The following CCDC40 variants were observed in gnomAD, a reference collection of about 807,000 sequenced individuals.
CCDC40 encodes the protein coiled-coil domain 40 molecular ruler complex subunit.
Under a neutral mutation model 124.5 loss-of-function variants are expected in CCDC40, and 104 were observed. The observed-to-expected ratio is 0.84, with a 90% CI of 0.71 to 0.98. The LOEUF is 0.98. Ranked by LOEUF, CCDC40 falls within the 50% of genes least tolerant of loss-of-function variation. The probability of loss-of-function intolerance (pLI) is 0.00; values close to 1 mark genes in which losing one functional copy is unlikely to be tolerated. For synonymous variants in CCDC40, 580 were observed against 602.9 expected (o/e 0.96, Z 0.56); for missense variants, 1,463 against 1,503.9 (o/e 0.97, Z 0.45).
chr17:80,099,449 ATC>A (rs552723570), intron 19 of CCDC40, 76 bp from the exon 20 acceptor site: 137 of 1,536,004 alleles, frequency 8.9e-5, no homozygotes, highest in Admixed American at 2.2e-4. Context: ...ATTTCCTGGA[ATC>A]TGAGTTTGTG....
intron 10 of CCDC40, among the ~76,000 whole-genome samples, chr17:80,071,497 C>A (rs990191639): frequency 6.6e-6 from 1 of 152,212 alleles, no homozygotes; most frequent in African/African-American, 2.4e-5. Context: ...GCACGGTGCC[C>A]AATGCCTGGG....
intron 1 of CCDC40, among the ~76,000 whole-genome samples, chr17:80,037,001 G>A (rs999425121): frequency 6.6e-6 from 1 of 152,180 alleles, no homozygotes; most frequent in Non-Finnish European, 1.5e-5. Context: ...CAGTCACCAT[G>A]GCAACCACTC....
intron 17 of CCDC40, chr17:80,090,277 G>T: frequency 4.6e-6 from 6 of 1,302,568 alleles, no homozygotes; most frequent in African/African-American, 1.6e-5. Context: ...GCACGTGCAC[G>T]AACAACACGG....
At chr17:80,037,978 C>T in intron 1 of CCDC40, 145 bp from the exon 2 acceptor site, 7 of 658,404 alleles carry the variant, frequency 1.1e-5, no homozygotes, top group South Asian at 9.1e-5. Flanking sequence ...TGGTTCCTGA[C>T]AAACAGGACA....
chr17:80,039,529 A>G (rs1483050843), intron 2 of CCDC40, among the ~76,000 whole-genome samples: 1 of 150,768 alleles, frequency 6.6e-6, no homozygotes, highest in Non-Finnish European at 1.5e-5. Context: ...CTCCTGCCCC[A>G]GCCTTCTAAG....
Position 80,044,728 on chromosome 17 carries a change from T to TTTGAG in CCDC40, c.553-2551_553-2550insTTGAG, listed in dbSNP as rs1469031250. On this transcript the variant is annotated intron_variant, in intron 3 of 19. Transcript: ENST00000397545. ...AAACAAAAAAAAAAATATATATATATATATATATATCTCAACAACAGCAAA... is the reference window on the plus strand; with the variant it reads ...AAACAAAAAAAAAAATATATATATATTTGAGATATATATATCTCAACAACAGCAAA... Among the ~76,000 whole-genome samples the TTTGAG allele has an allele frequency of 1.7e-4, 24 of 142,896 alleles. 1 individual carries two copies. Among genetic ancestry groups the TTTGAG allele is most frequent in the African/African-American group, 7.0e-4 (24 of 34,354 alleles). 93.7% of individuals were successfully genotyped at this position (142,896 alleles called of 152,430 possible).
chr17:80,078,528 G>GA (rs1223492901), intron 10 of CCDC40, among the ~76,000 whole-genome samples: 1 of 152,122 alleles, frequency 6.6e-6, no homozygotes, highest in Non-Finnish European at 1.5e-5. Flanking sequence ...ACCACTTGTT[G>GA]AAAAGACTGT....
At chr17:80,079,669 C>G (rs549518630) in intron 10 of CCDC40, among the ~76,000 whole-genome samples, 1 of 152,016 alleles carries the variant, frequency 6.6e-6, no homozygotes, top group African/African-American at 2.4e-5. Flanking sequence ...TGCCTGTAAT[C>G]CCATCACTTT....
At chr17:80,077,549 C>T (rs189180988) in intron 10 of CCDC40, among the ~76,000 whole-genome samples, 570 of 152,272 alleles carry the variant, frequency 3.7e-3, no homozygotes, top group Non-Finnish European at 6.3e-3. Flanking sequence ...ACAGCTGCTG[C>T]GGTGTTTTCC....
intron 7 of CCDC40, among the ~76,000 whole-genome samples, chr17:80,053,680 C>T (rs1190950706): frequency 1.3e-5 from 2 of 152,154 alleles, no homozygotes; most frequent in East Asian, 3.8e-4. Context: ...GCAACCTCCA[C>T]CTCCCGGGTT....
rs375603538 is a variant in CCDC40, at chr17:80,084,766, C to T, written c.2013C>T (p.Asn671=). The T allele has an allele frequency of 1.3e-5, 21 of 1,613,964 alleles. No individual in the cohort carries two copies. Among genetic ancestry groups the T allele is most frequent in the African/African-American group, 5.3e-5 (4 of 74,910 alleles). The stretch of plus-strand genomic sequence containing the variant: ...AGATGACACATCTTTCCAAAATCAA[C>T]GGTGACATTGCCCAGACCACCCTGG... The part of the protein sequence containing the change: ...TNMMTHLSKI[N]GDIAQTTLDI... The change falls in exon 13 of 20, where the codon AAC becomes AAT. Residue 671 remains asparagine, a synonymous_variant. Transcript: ENST00000397545.
Position 80,040,060 on chromosome 17 carries a change from C to G in CCDC40, c.342C>G (p.Tyr114Ter). The part of the protein sequence containing the change: ...EGQISAADTT[Y>*]PYFSPPQELP... ...AAATCAGTGCTGCAGATACGACTTA[C>G]CCGTATTTCAGTCCTCCTCAGGAAC... The change falls in exon 3 of 20, where the codon TAC (tyrosine) becomes TAG (stop). Residue 114 changes from tyrosine to a stop codon, truncating the protein, a stop_gained. Transcript: ENST00000397545. LOFTEE classifies it high-confidence loss of function. 6.2e-7 allele frequency: 1 copy of G among 1,613,892 alleles called. No individual in the cohort carries two copies. Among genetic ancestry groups the G allele is most frequent in the Non-Finnish European group, 8.5e-7 (1 of 1,179,728 alleles).
intron 9 of CCDC40, 52 bp downstream of exon 9, chr17:80,059,032 C>A (rs781030535): frequency 3.7e-6 from 6 of 1,609,990 alleles, no homozygotes; most frequent in Non-Finnish European, 8.5e-7. Context: ...TGAGTGTCCA[C>A]GCACAGGGTG....
chr17:80,040,011 C>G lies in CCDC40; in HGVS notation c.293C>G (p.Thr98Arg). 1 of 1,614,126 alleles carries G rather than the reference C, an allele frequency of 6.2e-7. No homozygotes were observed. Among genetic ancestry groups the G allele is most frequent in the Non-Finnish European group, 8.5e-7 (1 of 1,179,990 alleles). ...GAAAGCGAAGAGGAATATTACTATA[C>G]AGAAACTTCATCCCCGGAAGGGCAA... ...DAESEEEYYYTETSSPEGQIS... is the reference protein window; with the variant it reads ...DAESEEEYYYRETSSPEGQIS... Residue 98 changes from threonine (T) to arginine (R), a missense_variant, in exon 3 of 20, where the codon ACA becomes AGA. Coordinates refer to ENST00000397545, the MANE Select transcript of CCDC40 (RefSeq NM_017950.4).
chr17:80,060,163 G>C (rs1341711310), intron 9 of CCDC40, among the ~76,000 whole-genome samples: 1 of 152,108 alleles, frequency 6.6e-6, no homozygotes, highest in Non-Finnish European at 1.5e-5. Context: ...CCAAGACAAG[G>C]GACTTTCCAT....
chr17:80,067,301 A>G, intron 10 of CCDC40: 2 of 550,474 alleles, frequency 3.6e-6, no homozygotes, highest in Non-Finnish European at 6.4e-6. Flanking sequence ...GTATTCGATC[A>G]GGTCTCCTCC....
At position 80,039,148 on chromosome 17, in the gene CCDC40, CTTG is replaced by C. The variant is rs539220378; in HGVS notation, c.94-663_94-661del. 1.9e-4 allele frequency among the ~76,000 whole-genome samples: 29 copies of C among 152,254 alleles called. No individual in the cohort carries two copies. The South Asian group carries it at 5.6e-3, about 29-fold the overall frequency. ...TTGGGAGGCTGAGGCGGATGGATCT[CTTG>C]AGGCCAGGAATTCAAGACCAGCCTG... On this transcript the variant is annotated intron_variant, in intron 2 of 19. Transcript: ENST00000397545.
chr17:80,091,342 C>CACACACACACACAGAG (rs1555594249), intron 17 of CCDC40, among the ~76,000 whole-genome samples: 4 of 144,924 alleles, frequency 2.8e-5, no homozygotes, highest in African/African-American at 1.0e-4. Context: ...CACACACACA[C>CACACACACACACAGAG]AGAGAGAGAG....
chr17:80,070,365 C>G (rs998602560), intron 10 of CCDC40, among the ~76,000 whole-genome samples: 10 of 152,212 alleles, frequency 6.6e-5, no homozygotes, highest in Admixed American at 1.3e-4. Flanking sequence ...GAGACTGAGG[C>G]AAGAGGATCC....
Sources: allele counts gnomAD v4.1 joint callset (sites outside exome capture counted in the v4.1 genomes callset), GRCh38; gene constraint gnomAD v4.1.1; transcripts MANE v1.5; gene names NCBI Gene and HGNC (gene_info 2026-07-23, HGNC 2026-07-21).